MDFIC2: variants seen among roughly 807,000 people sequenced by gnomAD.
MDFIC2 encodes the protein myoD family inhibitor domain-containing protein 2.
At chr3:70,264,785 G>T (rs952812091) in intron 2 of MDFIC2, among the ~76,000 whole-genome samples, 4 of 152,168 alleles carry the variant, frequency 2.6e-5, no homozygotes, top group African/African-American at 9.7e-5. Context: ...GAAAATACAG[G>T]GAGCTATGGA....
chr3:70,267,321 A>G (rs1242534172), intron 2 of MDFIC2, among the ~76,000 whole-genome samples: 1 of 151,132 alleles, frequency 6.6e-6, no homozygotes, highest in Non-Finnish European at 1.5e-5. Flanking sequence ...TCATCTAAGT[A>G]TCAAGTTTTC....
At chr3:70,205,604 A>G (rs1701282275) in intron 3 of MDFIC2, 1 of 152,112 alleles carries the variant, frequency 6.6e-6, no homozygotes, top group African/African-American at 2.4e-5. Flanking sequence ...CTATCATATA[A>G]TCAGAGACTA....
At chr3:70,216,321 T>TTA (rs144981154) in intron 2 of MDFIC2, among the ~76,000 whole-genome samples, 19 of 149,902 alleles carry the variant, frequency 1.3e-4, no homozygotes, top group South Asian at 2.1e-4. Flanking sequence ...TAATTATAAT[T>TTA]TATATATATA....
At chr3:70,277,758 T>A (rs1702041404) in intron 2 of MDFIC2, among the ~76,000 whole-genome samples, 1 of 152,058 alleles carries the variant, frequency 6.6e-6, no homozygotes, top group South Asian at 2.1e-4. Flanking sequence ...TGCTTGAGGA[T>A]GGGTGGGAAC....
chr3:70,206,712 T>G lies in MDFIC2; in HGVS notation c.167A>C (p.Asn56Thr). Residue 56 changes from asparagine (N) to threonine (T), a missense_variant, in exon 3 of 4, where the codon AAT becomes ACT. Transcript: ENST00000567252. Reference protein sequence around the residue: ...AIVINSVSDFNITDGPAKENP... With the variant: ...AIVINSVSDFTITDGPAKENP... Reference sequence around the variant, plus strand: ...TTCCTTGGCTGGTCCATCTGTGATATTGAAGTCAGATACTGAATTTATAAC... The same window carrying G: ...TTCCTTGGCTGGTCCATCTGTGATAGTGAAGTCAGATACTGAATTTATAAC... 2.5e-6 allele frequency: 1 copy of G among 397,920 alleles called. No homozygotes were observed. The highest frequency in any genetic ancestry group is 4.4e-6 in the Non-Finnish European group (1 of 225,570). The allele number at this position is 397,920 out of a possible 1,614,324, so 24.6% of individuals were successfully genotyped here. A position where few individuals can be genotyped will look rare whatever the true frequency, so the allele number is the denominator to read the frequency against.
chr3:70,287,663 A>G (rs1420566363), intron 2 of MDFIC2, among the ~76,000 whole-genome samples: 2 of 152,112 alleles, frequency 1.3e-5, no homozygotes, highest in Non-Finnish European at 2.9e-5. Context: ...CTCTGGTAGA[A>G]TTTGGCTGTG....
chr3:70,264,983 G>T (rs1002792774), intron 2 of MDFIC2, among the ~76,000 whole-genome samples: 1 of 152,120 alleles, frequency 6.6e-6, no homozygotes, highest in Non-Finnish European at 1.5e-5. Context: ...CATCTTACAT[G>T]GTGGCAGCAA....
At chr3:70,252,634 G>C (rs1701780172) in intron 2 of MDFIC2, among the ~76,000 whole-genome samples, 1 of 152,098 alleles carries the variant, frequency 6.6e-6, no homozygotes, top group Admixed American at 6.6e-5. Flanking sequence ...ATTTATAGGA[G>C]GTAACTATTT....
At position 70,196,481 on chromosome 3, in the gene MDFIC2, A is replaced by G. The variant is rs895644974; in HGVS notation, c.*445T>C. Among the ~76,000 whole-genome samples the G allele has an allele frequency of 3.9e-5, 6 of 152,316 alleles. No individual in the cohort carries two copies. The highest frequency in any genetic ancestry group is 1.4e-4 in the African/African-American group (6 of 41,576). ...TACAATACATTATTAATAATAACCA[A>G]CAATGCATAATGTTTATGCATGAGT... On this transcript the variant is annotated 3_prime_UTR_variant, in exon 4 of 4. Transcript: ENST00000567252.
Position 70,297,385 on chromosome 3 carries a change from A to C in MDFIC2, c.88+14501T>G, listed in dbSNP as rs115684717. On this transcript the variant is annotated intron_variant, in intron 2 of 3. Coordinates refer to ENST00000567252, the MANE Select transcript of MDFIC2 (RefSeq NM_001364677.1). Reference sequence around the variant, plus strand: ...ACTGGATATCTTGGTGGAGATTAAGAGTTTAGATATTTGAGCCACTCAAAG... The same window carrying C: ...ACTGGATATCTTGGTGGAGATTAAGCGTTTAGATATTTGAGCCACTCAAAG... Among the ~76,000 whole-genome samples the C allele has an allele frequency of 9.1e-3, 1,391 of 152,170 alleles. 3 individuals carry two copies. The highest frequency in any genetic ancestry group is 0.016 in the Non-Finnish European group (1,086 of 67,960).
intron 3 of MDFIC2, among the ~76,000 whole-genome samples, chr3:70,206,328 C>T (rs1701290434): frequency 6.6e-6 from 1 of 151,962 alleles, no homozygotes; most frequent in Non-Finnish European, 1.5e-5. Flanking sequence ...GATTATGTTC[C>T]ACCCCAGCTA....
chr3:70,305,956 T>C (rs1702395879), intron 2 of MDFIC2, among the ~76,000 whole-genome samples: 1 of 152,186 alleles, frequency 6.6e-6, no homozygotes, highest in Non-Finnish European at 1.5e-5. Flanking sequence ...GTATTTTGGA[T>C]TATTAGTCTC....
intron 2 of MDFIC2, among the ~76,000 whole-genome samples, chr3:70,229,817 A>C (rs542112194): frequency 1.5e-4 from 23 of 152,328 alleles, no homozygotes; most frequent in Non-Finnish European, 2.4e-4. Flanking sequence ...AAATTTGGAT[A>C]CTAAAATTTG....
intron 2 of MDFIC2, among the ~76,000 whole-genome samples, chr3:70,256,970 G>A (rs1314524838): frequency 1.3e-5 from 2 of 152,170 alleles, no homozygotes; most frequent in Non-Finnish European, 2.9e-5. Context: ...GGAAAAGCCC[G>A]ACTATGGGCT....
At chr3:70,293,371 T>C (rs1332867869) in intron 2 of MDFIC2, among the ~76,000 whole-genome samples, 1 of 152,100 alleles carries the variant, frequency 6.6e-6, no homozygotes, top group African/African-American at 2.4e-5. Flanking sequence ...GACTTAGAAG[T>C]GGAATAACTA....
intron 2 of MDFIC2, among the ~76,000 whole-genome samples, chr3:70,309,666 AC>A (rs1702438176): frequency 6.6e-6 from 1 of 152,172 alleles, no homozygotes; most frequent in Non-Finnish European, 1.5e-5. Flanking sequence ...CAACCCATAT[AC>A]TTTTTCTTAA....
At chr3:70,284,810 C>A (rs1473837254) in intron 2 of MDFIC2, among the ~76,000 whole-genome samples, 1 of 152,000 alleles carries the variant, frequency 6.6e-6, no homozygotes, top group South Asian at 2.1e-4. Context: ...GTCTTAAAAC[C>A]TGGGTCATGA....
At chr3:70,216,033 A>G (rs891421626) in intron 2 of MDFIC2, among the ~76,000 whole-genome samples, 1 of 152,126 alleles carries the variant, frequency 6.6e-6, no homozygotes, top group Non-Finnish European at 1.5e-5. Flanking sequence ...ATACAAAAAG[A>G]TACAAATAAA....
At chr3:70,214,754 A>G (rs1701389462) in intron 2 of MDFIC2, among the ~76,000 whole-genome samples, 1 of 152,128 alleles carries the variant, frequency 6.6e-6, no homozygotes. Context: ...TTGACTCCTA[A>G]GAGATAGTTG....
Sources: allele counts gnomAD v4.1 joint callset (sites outside exome capture counted in the v4.1 genomes callset), GRCh38; gene constraint gnomAD v4.1.1; transcripts MANE v1.5; gene names NCBI Gene and HGNC (gene_info 2026-07-23, HGNC 2026-07-21).